The following WT1 variants were observed in gnomAD, a reference collection of about 807,000 sequenced individuals.
WT1 encodes Wilms tumor protein.
Under a neutral mutation model 60.8 loss-of-function variants are expected in WT1, and 8 were observed. That is an observed-to-expected ratio of 0.13 (90% CI 0.08 to 0.24). WT1 has a LOEUF of 0.24. Ranked by LOEUF, WT1 falls within the 10% of genes least tolerant of loss-of-function variation. The probability of loss-of-function intolerance (pLI) is 1.00; values close to 1 mark genes in which losing one functional copy is unlikely to be tolerated. For missense variants in WT1, 568 were observed against 711.8 expected (o/e 0.80, Z 2.30); for synonymous variants, 312 against 297.1 (o/e 1.05, Z -0.52).
chr11:32,410,619 C>T (rs751304795), intron 5 of WT1, among the ~76,000 whole-genome samples: 90 of 151,946 alleles, frequency 5.9e-4, no homozygotes, highest in Non-Finnish European at 1.5e-4. Flanking sequence ...TTTTCTTTTC[C>T]TCTTTATAAT....
At chr11:32,427,913 CG>C in intron 3 of WT1, 42 bp downstream of exon 3, 2 of 1,565,312 alleles carry the variant, frequency 1.3e-6, no homozygotes, top group Non-Finnish European at 1.7e-6. Context: ...GCGTCCCCTC[CG>C]GGGTCCCAAG....
intron 5 of WT1, among the ~76,000 whole-genome samples, chr11:32,408,039 A>G (rs890085334): frequency 6.6e-6 from 1 of 151,618 alleles, no homozygotes. Context: ...CCTGGCTAAC[A>G]TGGTGAAAAC....
Position 32,391,288 on chromosome 11 carries a change from T to C in WT1, c.1447+684A>G, listed in dbSNP as rs5030295. Among the ~76,000 whole-genome samples, 661 of 152,346 alleles carry C rather than the reference T, an allele frequency of 4.3e-3. 4 individuals carry two copies. The highest frequency in any genetic ancestry group is 7.7e-3 in the South Asian group (37 of 4,822). ...TGAGCCACCACAGCCGGTCCTACCT[T>C]ACTCTACTTACAAGCATGTTGTGAA... On this transcript the variant is annotated intron_variant, in intron 9 of 9. Coordinates refer to ENST00000452863, the MANE Select transcript of WT1 (RefSeq NM_024426.6).
chr11:32,427,704 C>A (rs1404235444), intron 3 of WT1, among the ~76,000 whole-genome samples: 4 of 152,252 alleles, frequency 2.6e-5, no homozygotes, highest in African/African-American at 7.2e-5. Flanking sequence ...AATAACTTCT[C>A]GAGCGCCGCT....
In WT1 at chr11:32,398,115, G is replaced by A. The variant is rs17673913; in HGVS notation, c.1114-1708C>T. On this transcript the variant is annotated intron_variant, in intron 6 of 9. Coordinates refer to ENST00000452863, the MANE Select transcript of WT1 (RefSeq NM_024426.6). ...CTCCCTAAACCGTCGTCAGATTTCC[G>A]TATTTCTGTAACCCTTGCCTTTATT... Among the ~76,000 whole-genome samples, 1,286 of 152,256 alleles carry A rather than the reference G, an allele frequency of 8.4e-3. 8 individuals are homozygous for A. Among genetic ancestry groups the A allele is most frequent in the Non-Finnish European group, 0.013 (893 of 68,020 alleles).
chr11:32,400,345 G>C, intron 5 of WT1: 1 of 471,624 alleles, frequency 2.1e-6, no homozygotes, highest in Non-Finnish European at 3.9e-6. Flanking sequence ...TTTCATCCTC[G>C]GCAAGTTGTT....
intron 7 of WT1, among the ~76,000 whole-genome samples, chr11:32,395,683 A>G (rs1851948065): frequency 6.6e-6 from 1 of 151,892 alleles, no homozygotes. Context: ...GCTGGTCTCC[A>G]ACTCCTGACC....
At chr11:32,392,443 T>A (rs969689041) in intron 8 of WT1, among the ~76,000 whole-genome samples, 1 of 152,216 alleles carries the variant, frequency 6.6e-6, no homozygotes, top group Non-Finnish European at 1.5e-5. Flanking sequence ...GCTAGTGGGA[T>A]CTCACTGTTC....
intron 5 of WT1, among the ~76,000 whole-genome samples, chr11:32,412,609 A>T (rs1478048365): frequency 6.6e-6 from 1 of 151,804 alleles, no homozygotes; most frequent in African/African-American, 2.4e-5. Flanking sequence ...AATGTTTTCA[A>T]AGAAATAGAA....
At chr11:32,419,040 A>G (rs1248501422) in intron 3 of WT1, among the ~76,000 whole-genome samples, 3 of 152,124 alleles carry the variant, frequency 2.0e-5, no homozygotes, top group East Asian at 1.9e-4. Context: ...ATGCTACTAC[A>G]ATATCCTACA....
intron 3 of WT1, among the ~76,000 whole-genome samples, chr11:32,425,180 GAAAAAAAA>G (rs10540778): frequency 2.5e-5 from 3 of 119,282 alleles, no homozygotes; most frequent in African/African-American, 9.1e-5. Context: ...GTCTCGAAAA[GAAAAAAAA>G]AAAAAAAAAA....
At chr11:32,414,708 A>G (rs1852609464) in intron 5 of WT1, among the ~76,000 whole-genome samples, 1 of 152,096 alleles carries the variant, frequency 6.6e-6, no homozygotes, top group South Asian at 2.1e-4. Flanking sequence ...ACCTGTCTCT[A>G]CCAAAAATAC....
rs750018485 is a variant in WT1, at chr11:32,400,023, G to T, written c.1038C>A (p.Ser346Arg). ...AGAGGATGGGCGTTGTGTGGTTATCGCTCTCGTACCCTGTGCTGTGGCTGC... is the reference window on the plus strand; with the variant it reads ...AGAGGATGGGCGTTGTGTGGTTATCTCTCTCGTACCCTGTGCTGTGGCTGC... The change falls in exon 6 of 10, where the codon AGC becomes AGA. Residue 346 changes from serine (S) to arginine (R), a missense_variant. By Grantham distance (110) the Ser-to-Arg change is moderately radical. This residue lies in a region of WT1 where 523 missense variants were observed against 565.1 expected (regional missense o/e 0.93). Coordinates refer to ENST00000452863, the MANE Select transcript of WT1 (RefSeq NM_024426.6). 6.2e-7 allele frequency: 1 copy of T among 1,614,214 alleles called. No homozygotes were observed.
In WT1 at chr11:32,417,571, C is replaced by A. The variant is rs1390147566; in HGVS notation, c.965+6G>T. On this transcript the variant is annotated splice_donor_region_variant and intron_variant, in intron 4 of 9. Coordinates refer to ENST00000452863, the MANE Select transcript of WT1 (RefSeq NM_024426.6). ...TGGAAAGGCAATGGAATAGAGAAAACCTTACCCCTTTAAGGTGGCTCCTAA... is the reference window on the plus strand; with the variant it reads ...TGGAAAGGCAATGGAATAGAGAAAAACTTACCCCTTTAAGGTGGCTCCTAA... 2 of 1,613,054 alleles carry A rather than the reference C, an allele frequency of 1.2e-6. No individual in the cohort carries two copies. The highest frequency in any genetic ancestry group is 1.7e-6 in the Non-Finnish European group (2 of 1,179,108).
chr11:32,390,680 A>G (rs1045820020), intron 9 of WT1, among the ~76,000 whole-genome samples: 2 of 152,058 alleles, frequency 1.3e-5, no homozygotes, highest in African/African-American at 2.4e-5. Flanking sequence ...CTGGCTCCTA[A>G]TGGACTAATC....
chr11:32,428,399 C>T (rs1322427611), intron 2 of WT1, 98 bp downstream of exon 2: 1 of 1,587,376 alleles, frequency 6.3e-7, no homozygotes, highest in Non-Finnish European at 8.5e-7. Flanking sequence ...TTTAGATGTC[C>T]TCCTTTGCCT....
At chr11:32,399,030 C>A (rs986725662) in intron 6 of WT1, among the ~76,000 whole-genome samples, 29 of 151,362 alleles carry the variant, frequency 1.9e-4, no homozygotes, top group Middle Eastern at 3.4e-3. Context: ...GTGGTGGGCA[C>A]CTGTAGTCCC....
chr11:32,434,503 A>T (rs189447930), intron 1 of WT1, among the ~76,000 whole-genome samples, 197 bp downstream of exon 1: 1 of 152,048 alleles, frequency 6.6e-6, no homozygotes, highest in East Asian at 1.9e-4. Context: ...GCTTTGGAGG[A>T]TGTCGGGGGC....
chr11:32,429,936 A>T (rs944147236), intron 1 of WT1, among the ~76,000 whole-genome samples: 1 of 147,486 alleles, frequency 6.8e-6, no homozygotes, highest in Non-Finnish European at 1.5e-5. Context: ...TTTTCGAAAC[A>T]CACACGGACG....
Sources: gnomAD v4.1 joint callset for allele counts (sites outside exome capture counted in the v4.1 genomes callset) on GRCh38, gnomAD v4.1.1 for gene constraint, gnomAD v4.1.1 regional missense constraint, MANE v1.5 for transcripts, NCBI Gene and HGNC (gene_info 2026-07-23, HGNC 2026-07-21) for gene names.